Variants in SMARCA1 observed in about 807,000 individuals in gnomAD.
SMARCA1 encodes SNF2 related chromatin remodeling ATPase 1.
SMARCA1 carries 17 observed loss-of-function variants against 93.6 expected under a neutral mutation model. That is an observed-to-expected ratio of 0.18 (90% CI 0.12 to 0.27). SMARCA1 has a LOEUF of 0.27. SMARCA1 is among the 10% of genes least tolerant of loss of function. The pLI, the probability that SMARCA1 is intolerant of heterozygous loss-of-function variation, is 1.00. For missense variants in SMARCA1, 630 were observed against 819.0 expected (o/e 0.77, Z 2.82); for synonymous variants, 271 against 271.4 (o/e 1.00, Z 0.01).
intron 6 of SMARCA1, 57 bp downstream of exon 6, chrX:129,511,747 T>C: frequency 1.0e-6 from 1 of 971,353 alleles, no homozygotes; most frequent in Non-Finnish European, 1.4e-6. Context: ...AATATGTAAC[T>C]AAACTCCAGA....
intron 12 of SMARCA1, among the ~76,000 whole-genome samples, chrX:129,494,421 C>T (rs1934244742): frequency 9.0e-6 from 1 of 111,622 alleles, no homozygotes; most frequent in African/African-American, 3.3e-5. Flanking sequence ...TATCCTCATA[C>T]GTATAAATGT....
intron 23 of SMARCA1, among the ~76,000 whole-genome samples, chrX:129,462,017 C>A (rs1035430378): frequency 9.0e-6 from 1 of 111,710 alleles, no homozygotes; most frequent in Non-Finnish European, 1.9e-5. Flanking sequence ...AGCGGAAGTT[C>A]GTGCCTTTAT....
At chrX:129,505,311 G>C (rs1241684527) in intron 8 of SMARCA1, among the ~76,000 whole-genome samples, 4 of 110,982 alleles carry the variant, frequency 3.6e-5, no homozygotes, top group Non-Finnish European at 7.5e-5. Context: ...AGGAGTTCGA[G>C]ACCAGCCTGA....
At chrX:129,449,276 T>G (rs1932164382) in intron 23 of SMARCA1, among the ~76,000 whole-genome samples, 2 of 111,827 alleles carry the variant, frequency 1.8e-5, no homozygotes, top group African/African-American at 6.5e-5. Flanking sequence ...TTAAACAGAT[T>G]TACTTATTAC....
rs754992251 is a variant in SMARCA1, at chrX:129,508,649, G to T, written c.811-553C>A. Reference sequence around the variant, plus strand: ...ATGTTTTTGTGAAGTTCCAGATCTTGCCATGAGGTTACAAATATGATTTCA... The same window carrying T: ...ATGTTTTTGTGAAGTTCCAGATCTTTCCATGAGGTTACAAATATGATTTCA... On this transcript the variant is annotated intron_variant, in intron 6 of 24. Transcript: ENST00000371121. 1.1e-4 allele frequency among the ~76,000 whole-genome samples: 12 copies of T among 112,381 alleles called. No homozygotes were observed. The South Asian group carries it at 4.4e-3, about 41-fold the overall frequency.
chrX:129,468,357 T>C (rs1932983386), intron 21 of SMARCA1, among the ~76,000 whole-genome samples: 1 of 111,879 alleles, frequency 8.9e-6, no homozygotes, highest in Non-Finnish European at 1.9e-5. Context: ...CTGAGGGTGT[T>C]TGAGCATCTA....
chrX:129,513,779 A>T (rs1046350364), intron 5 of SMARCA1, among the ~76,000 whole-genome samples: 4 of 109,764 alleles, frequency 3.6e-5, no homozygotes, highest in Non-Finnish European at 7.6e-5. Flanking sequence ...CCTAAATATA[A>T]GGAGCTACAG....
At chrX:129,484,350 G>C (rs1243033117) in intron 17 of SMARCA1, among the ~76,000 whole-genome samples, 1 of 111,430 alleles carries the variant, frequency 9.0e-6, no homozygotes, top group Non-Finnish European at 1.9e-5. Context: ...TGTGCAGATA[G>C]GCCATCACCT....
At chrX:129,504,573 A>AAAAAAAAAC (rs1569446205) in intron 9 of SMARCA1, among the ~76,000 whole-genome samples, 161 bp downstream of exon 9, 7 of 99,982 alleles carry the variant, frequency 7.0e-5, no homozygotes, top group Non-Finnish European at 9.9e-5. Flanking sequence ...AAAAAAAAAA[A>AAAAAAAAAC]AAAAAAAACA....
intron 1 of SMARCA1, among the ~76,000 whole-genome samples, chrX:129,521,116 C>T (rs1040537628): frequency 9.0e-6 from 1 of 111,095 alleles, no homozygotes; most frequent in Non-Finnish European, 1.9e-5. Flanking sequence ...GAACTCCTGA[C>T]CTCAAGTGAT....
At chrX:129,514,949 C>T (rs1935143175) in intron 5 of SMARCA1, among the ~76,000 whole-genome samples, 2 of 111,273 alleles carry the variant, frequency 1.8e-5, no homozygotes, top group South Asian at 7.6e-4. Context: ...ATTCAGGAGA[C>T]TGAGACAGAG....
At chrX:129,492,683 A>G (rs1374922893) in intron 13 of SMARCA1, among the ~76,000 whole-genome samples, 1 of 111,204 alleles carries the variant, frequency 9.0e-6, no homozygotes, top group Non-Finnish European at 1.9e-5. Flanking sequence ...ATATTTAGTA[A>G]AGAATGTTAA....
At chrX:129,498,595 G>A (rs1324194153) in intron 10 of SMARCA1, among the ~76,000 whole-genome samples, 1 of 110,665 alleles carries the variant, frequency 9.0e-6, no homozygotes, top group Non-Finnish European at 1.9e-5. Context: ...GGCTTTATAC[G>A]AATTATGCCA....
Position 129,501,608 on chromosome X carries a change from T to C in SMARCA1, c.1168-1767A>G, listed in dbSNP as rs551351438. ...ACTGCGCCCGGCCCGCCAAACTTTT[T>C]TTGGGGGGGGAGGTGGGGTGGAAGG... On this transcript the variant is annotated intron_variant, in intron 9 of 24. Transcript: ENST00000371121. 1.6e-4 allele frequency among the ~76,000 whole-genome samples: 16 copies of C among 101,083 alleles called. No individual in the cohort carries two copies. In the South Asian group the frequency reaches 7.2e-3, roughly 46 times the overall value. 87.8% of individuals were successfully genotyped at this position (101,083 alleles called of 115,157 possible). A position where few individuals can be genotyped will look rare whatever the true frequency, so the allele number is the denominator to read the frequency against.
chrX:129,450,587 C>T (rs1932240116), intron 23 of SMARCA1, among the ~76,000 whole-genome samples: 2 of 111,519 alleles, frequency 1.8e-5, no homozygotes, highest in South Asian at 7.4e-4. Context: ...CAAATATTTA[C>T]AAAACAATGT....
chrX:129,514,754 A>G (rs1169724079), intron 5 of SMARCA1, among the ~76,000 whole-genome samples: 2 of 111,807 alleles, frequency 1.8e-5, no homozygotes, highest in Non-Finnish European at 3.8e-5. Context: ...CAGACCATTA[A>G]AGGTTACATA....
intron 14 of SMARCA1, among the ~76,000 whole-genome samples, chrX:129,491,321 T>G (rs755099387): frequency 9.0e-6 from 1 of 111,660 alleles, no homozygotes; most frequent in Non-Finnish European, 1.9e-5. Flanking sequence ...TTGAGAGAAG[T>G]TGTAGCTCTA....
Position 129,523,315 on chromosome X carries a change from G to T in SMARCA1, c.56C>A (p.Ala19Asp), listed in dbSNP as rs1347625110. The T allele has an allele frequency of 8.3e-7, 1 of 1,204,599 alleles. No individual in the cohort carries two copies. The highest frequency in any genetic ancestry group is 1.1e-6 in the Non-Finnish European group (1 of 893,225). The change falls in exon 1 of 25, where the codon GCC becomes GAC. Residue 19 changes from alanine (A) to aspartate (D), a missense_variant. Physicochemically the swap from Ala to Asp is moderately radical, Grantham distance 126 (BLOSUM62 -2). Transcript: ENST00000371121. ...CTCGTCCTCTATGACCACGATAGTG[G>T]CGGTCGCATCCGCGGCTGCCACGGT... Reference protein sequence around the residue: ...AATVAAADATATIVVIEDEQP... With the variant: ...AATVAAADATDTIVVIEDEQP...
Position 129,517,555 on chromosome X carries a change from T to A in SMARCA1, c.261+806A>T, listed in dbSNP as rs144885821. Among the ~76,000 whole-genome samples the A allele has an allele frequency of 2.3e-4, 26 of 111,165 alleles. 1 individual carries two copies. In the East Asian group the frequency reaches 6.7e-3, roughly 29 times the overall value. On this transcript the variant is annotated intron_variant, in intron 2 of 24. Transcript: ENST00000371121. ...CCTCACTGGAATGTTATTTTTAGAG[T>A]TGTTAAAACATTGCCTACCTACATT... is the stretch of plus-strand genomic sequence containing the variant.
Sources: allele counts gnomAD v4.1 joint callset (sites outside exome capture counted in the v4.1 genomes callset), GRCh38; gene constraint gnomAD v4.1.1; transcripts MANE v1.5; gene names NCBI Gene and HGNC (gene_info 2026-07-23, HGNC 2026-07-21).